The following MAP4 variants were observed in gnomAD, a reference collection of about 807,000 sequenced individuals.
The protein encoded by MAP4 is microtubule-associated protein 4.
MAP4 carries 76 observed loss-of-function variants against 170.2 expected under a neutral mutation model. The observed-to-expected ratio is 0.45, with a 90% CI of 0.37 to 0.54. The LOEUF is 0.54. Among genes scored for constraint, MAP4 ranks in the 20% least tolerant of loss-of-function variants. The pLI, the probability that MAP4 is intolerant of heterozygous loss-of-function variation, is 0.00. For synonymous variants in MAP4, 909 were observed against 994.5 expected, an observed-to-expected ratio of 0.91 and a Z score of 1.62; for missense variants, 2,506 against 2,748.0, an observed-to-expected ratio of 0.91 and a Z score of 1.97.
chr3:48,062,410 T>C (rs1480435727), intron 1 of MAP4, among the ~76,000 whole-genome samples: 1 of 150,194 alleles, frequency 6.7e-6, no homozygotes, highest in Non-Finnish European at 1.5e-5. Flanking sequence ...CTTTGTTCAC[T>C]TGTTTATCTG....
At chr3:47,860,210 T>C (rs2063336216) in intron 17 of MAP4, among the ~76,000 whole-genome samples, 1 of 152,172 alleles carries the variant, frequency 6.6e-6, no homozygotes, top group East Asian at 1.9e-4. Flanking sequence ...GCCACAGATT[T>C]CTTTCTTGTT....
intron 1 of MAP4, among the ~76,000 whole-genome samples, chr3:48,043,945 A>G (rs1459875893): frequency 6.6e-6 from 1 of 152,142 alleles, no homozygotes; most frequent in East Asian, 1.9e-4. Flanking sequence ...TCCTGGGGTC[A>G]AGCGATTCTC....
At chr3:48,070,943 G>A (rs2100140701) in intron 1 of MAP4, among the ~76,000 whole-genome samples, 1 of 151,824 alleles carries the variant, frequency 6.6e-6, no homozygotes, top group Non-Finnish European at 1.5e-5. Flanking sequence ...GAGGATCACT[G>A]GAGCCTGGGA....
At chr3:48,042,119 A>T (rs1383890055) in intron 1 of MAP4, among the ~76,000 whole-genome samples, 2 of 152,244 alleles carry the variant, frequency 1.3e-5, no homozygotes, top group Non-Finnish European at 2.9e-5. Context: ...ATAAATGGGA[A>T]CACCAATTTA....
intron 10 of MAP4, among the ~76,000 whole-genome samples, chr3:47,890,529 T>C (rs2098371686): frequency 6.6e-6 from 1 of 152,202 alleles, no homozygotes; most frequent in African/African-American, 2.4e-5. Context: ...TCCACCCAGA[T>C]TGTGCAACTT....
intron 10 of MAP4, among the ~76,000 whole-genome samples, chr3:47,889,373 A>G (rs984068053): frequency 2.0e-5 from 3 of 152,212 alleles, no homozygotes; most frequent in African/African-American, 7.2e-5. Context: ...GCCCACCTCA[A>G]ATGTGACTTC....
intron 3 of MAP4, chr3:47,975,467 TAGG>T (rs2100081487): frequency 3.2e-6 from 5 of 1,566,304 alleles, no homozygotes; most frequent in Middle Eastern, 1.7e-4. Context: ...GCTAGGCTTC[TAGG>T]AGGAGAAAAA....
rs144802227 is a variant in MAP4 at position 47,982,934 on chromosome 3, A to G, written c.224-5001T>C. Reference sequence around the variant, plus strand: ...TTTGTTTGAGACAGAGTCTAGCTCTATCGCCAAGACTGGAGTGCAGTGGCG... The same window carrying G: ...TTTGTTTGAGACAGAGTCTAGCTCTGTCGCCAAGACTGGAGTGCAGTGGCG... On this transcript the variant is annotated intron_variant, in intron 2 of 20. Coordinates refer to ENST00000683076, the MANE Select transcript of MAP4 (RefSeq NM_001385682.1). Among the ~76,000 whole-genome samples, 186 of 152,344 alleles carry G rather than the reference A, an allele frequency of 1.2e-3. 3 individuals are homozygous for G. In the East Asian group the frequency reaches 0.03, roughly 25 times the overall value.
intron 1 of MAP4, among the ~76,000 whole-genome samples, chr3:48,060,383 A>C (rs2100134538): frequency 6.6e-6 from 1 of 152,164 alleles, no homozygotes; most frequent in Non-Finnish European, 1.5e-5. Flanking sequence ...AATGTAAGAT[A>C]CGAAACTATA....
intron 1 of MAP4, among the ~76,000 whole-genome samples, chr3:48,078,323 T>A (rs2100144945): frequency 6.7e-6 from 1 of 150,258 alleles, no homozygotes; most frequent in Non-Finnish European, 1.5e-5. Context: ...TTTTTTTTTT[T>A]TTTTTTTTTT....
At chr3:48,019,415 A>T (rs1178048037), upstream of MAP4, among the ~76,000 whole-genome samples, 5 of 152,198 alleles carry the variant, frequency 3.3e-5, no homozygotes, top group Admixed American at 1.3e-4. Context: ...TAAATATTAA[A>T]ACTTTATAAT....
chr3:47,975,978 T>G (rs1302579910), intron 3 of MAP4, among the ~76,000 whole-genome samples: 1 of 152,096 alleles, frequency 6.6e-6, no homozygotes, highest in African/African-American at 2.4e-5. Flanking sequence ...TTAGCAGAGA[T>G]GGGGTTTCAC....
Position 47,852,679 on chromosome 3 carries a change from G to C in MAP4, c.*255C>G. On this transcript the variant is annotated 3_prime_UTR_variant, in exon 21 of 21. Transcript: ENST00000683076. ...GACCAAAGCAGGGAGATGGGCCCAG[G>C]CTGGGGAGTGAGAGGAGGTGTGGGG... The C allele has an allele frequency of 1.4e-6, 2 of 1,385,304 alleles. No homozygotes were observed. Among genetic ancestry groups the C allele is most frequent in the South Asian group, 2.8e-5 (2 of 72,022 alleles). 85.8% of individuals were successfully genotyped at this position (1,385,304 alleles called of 1,614,324 possible).
At chr3:47,984,961 C>T (rs1012816788) in intron 2 of MAP4, among the ~76,000 whole-genome samples, 1 of 146,472 alleles carries the variant, frequency 6.8e-6, no homozygotes, top group East Asian at 2.0e-4. Flanking sequence ...AAAGTGAGAC[C>T]CCGTCTTAAA....
intron 16 of MAP4, 78 bp downstream of exon 16, chr3:47,869,134 CAA>C (rs1225659250): frequency 1.9e-6 from 2 of 1,078,254 alleles, no homozygotes; most frequent in Non-Finnish European, 2.9e-6. Flanking sequence ...GGAAAAAGTG[CAA>C]GAGAGGGCAT....
chr3:48,085,783 G>A (rs1319280587), intron 1 of MAP4, among the ~76,000 whole-genome samples: 3 of 152,160 alleles, frequency 2.0e-5, no homozygotes, highest in Admixed American at 6.6e-5. Flanking sequence ...TTAGCCAGGC[G>A]CGGTGGCTCA....
At position 47,952,290 on chromosome 3, in the gene MAP4, C is replaced by A. The variant is rs1192507957; in HGVS notation, c.293-23940G>T. On this transcript the variant is annotated intron_variant, in intron 3 of 20. Transcript: ENST00000683076. ...GTCAGCCCCCCCGCCCGGCCAGCCG[C>A]CCCATCCGGGAGGGAGGTGAGGGGC... Among the ~76,000 whole-genome samples the A allele has an allele frequency of 3.3e-5, 5 of 149,302 alleles. No homozygotes were observed. In the East Asian group the frequency reaches 1.0e-3, roughly 30 times the overall value.
chr3:47,992,106 T>TA (rs1206570001), intron 2 of MAP4, among the ~76,000 whole-genome samples: 1 of 152,168 alleles, frequency 6.6e-6, no homozygotes, highest in Non-Finnish European at 1.5e-5. Context: ...CCATCACTTC[T>TA]AAAGATGTAT....
At chr3:48,087,779 T>A (rs2100150082) in intron 1 of MAP4, among the ~76,000 whole-genome samples, 1 of 130,246 alleles carries the variant, frequency 7.7e-6, no homozygotes, top group African/African-American at 3.0e-5. Flanking sequence ...ACACACACAC[T>A]GCAAGAAACA....
Sources: gnomAD v4.1 joint callset for allele counts (sites outside exome capture counted in the v4.1 genomes callset) on GRCh38, gnomAD v4.1.1 for gene constraint, MANE v1.5 for transcripts, NCBI Gene and HGNC (gene_info 2026-07-23, HGNC 2026-07-21) for gene names.